The following AVEN variants were observed in gnomAD, a reference collection of about 807,000 sequenced individuals.
The protein encoded by AVEN is cell death regulator Aven.
Under a neutral mutation model 38.1 loss-of-function variants are expected in AVEN, and 41 were observed. The ratio of observed to expected loss-of-function variants is 1.08; its 90% CI spans 0.84 to 1.40. The LOEUF (loss-of-function observed/expected upper bound fraction) is 1.40. Ranked by LOEUF, AVEN falls within the 40% of genes most tolerant of loss-of-function variation. The pLI is 0.00. For synonymous variants in AVEN, 206 were observed against 171.8 expected (o/e 1.20, Z -1.56); for missense variants, 605 against 438.8 (o/e 1.38, Z -3.38).
chr15:34,070,199 C>T (rs1900598282), intron 2 of AVEN, among the ~76,000 whole-genome samples: 1 of 152,130 alleles, frequency 6.6e-6, no homozygotes, highest in Non-Finnish European at 1.5e-5. Flanking sequence ...ATCACGAGAA[C>T]AGCACGGGGG....
At chr15:34,004,907 T>C (rs919598915) in intron 1 of AVEN, among the ~76,000 whole-genome samples, 6 of 151,842 alleles carry the variant, frequency 4.0e-5, no homozygotes, top group Non-Finnish European at 7.4e-5. Flanking sequence ...AAAATCCTTA[T>C]CAAGAAAAAA....
chr15:34,006,573 G>A (rs886924025), intron 1 of AVEN, among the ~76,000 whole-genome samples: 1 of 152,186 alleles, frequency 6.6e-6, no homozygotes, highest in Admixed American at 6.5e-5. Flanking sequence ...CCTAAGGAAC[G>A]ATTAATGCAG....
rs149432903 is a variant in AVEN at position 33,913,422 on chromosome 15, T to C, written c.446-37427A>G. On this transcript the variant is annotated intron_variant, in intron 2 of 5. Coordinates refer to ENST00000306730, the MANE Select transcript of AVEN (RefSeq NM_020371.3). ...ATAATAGAGACAACCAAAACATCAT[T>C]AATTTGGGACTGGGGAGCTCATTAC... is the stretch of plus-strand genomic sequence containing the variant. 5.3e-3 allele frequency among the ~76,000 whole-genome samples: 805 copies of C among 152,312 alleles called. 6 individuals carry two copies. The highest frequency in any genetic ancestry group is 0.018 in the African/African-American group (750 of 41,568).
chr15:33,857,762 C>G (rs1287995710), downstream of AVEN: 2 of 1,613,810 alleles, frequency 1.2e-6, no homozygotes, highest in East Asian at 4.5e-5. Context: ...TTTCCTTTCT[C>G]TGTCCTCTCA....
intron 3 of AVEN, among the ~76,000 whole-genome samples, chr15:33,873,094 CTT>C (rs34223352): frequency 4.7e-5 from 4 of 85,104 alleles, no homozygotes; most frequent in African/African-American, 9.9e-5. Flanking sequence ...TTTTCCTTTT[CTT>C]TTTTTTTTTT....
In AVEN at chr15:33,909,931, C is replaced by A. The variant is rs1892855816; in HGVS notation, c.446-33936G>T. On this transcript the variant is annotated intron_variant, in intron 2 of 5. Transcript: ENST00000306730. ...ATCACCTGAGGTCAGGAGTTTGAGA[C>A]CAGCCTGGCCAAATACAAAAAATTA... is the stretch of plus-strand genomic sequence containing the variant. 6.6e-5 allele frequency among the ~76,000 whole-genome samples: 10 copies of A among 151,462 alleles called. 1 individual carries two copies. The South Asian group carries it at 2.1e-3, about 31-fold the overall frequency.
rs371615562 is a variant in AVEN at position 34,044,923 on chromosome 15, C to T, written n.1637+17999G>A. On this transcript the variant is annotated intron_variant and non_coding_transcript_variant, in intron 5 of 11. Transcript: ENST00000675287. ...ATTAGCTGGGCATGGTGGTGGGTGC[C>T]TGTAGTCCCAGCTACTCAGGAGGCT... Among the ~76,000 whole-genome samples the T allele has an allele frequency of 8.4e-4, 128 of 152,282 alleles. 1 individual carries two copies. In the South Asian group the frequency reaches 0.014, roughly 16 times the overall value.
At chr15:33,986,834 T>C (rs991629075) in intron 2 of AVEN, among the ~76,000 whole-genome samples, 2 of 152,048 alleles carry the variant, frequency 1.3e-5, no homozygotes, top group African/African-American at 4.8e-5. Flanking sequence ...TTGTTTTGTA[T>C]TTTTAGTAGA....
rs566768016 is a variant in AVEN at position 33,963,028 on chromosome 15, T to C, written c.445+40004A>G. ...AAATTGTGGCCTTCCTAACATGGGA[T>C]AACTGAAGAGAACAACTCCTAACAG... On this transcript the variant is annotated intron_variant, in intron 2 of 5. Transcript: ENST00000306730. Among the ~76,000 whole-genome samples, 7 of 151,158 alleles carry C rather than the reference T, an allele frequency of 4.6e-5. No individual in the cohort carries two copies. In the South Asian group the frequency reaches 1.5e-3, roughly 31 times the overall value.
chr15:33,924,895 T>C (rs1275446715), intron 2 of AVEN, among the ~76,000 whole-genome samples: 1 of 152,174 alleles, frequency 6.6e-6, no homozygotes, highest in African/African-American at 2.4e-5. Flanking sequence ...ATATATGTAA[T>C]TCATTATATA....
At chr15:33,856,410 T>G (rs922310336), downstream of AVEN, 2 of 152,292 alleles carry the variant, frequency 1.3e-5, no homozygotes, top group East Asian at 3.9e-4. Context: ...AGGTCAGATG[T>G]GCAGGTCCTG....
downstream of AVEN, chr15:33,864,956 C>T (rs781519443): frequency 3.3e-5 from 18 of 552,776 alleles, no homozygotes; most frequent in Non-Finnish European, 5.1e-5. Flanking sequence ...AGAGACATGG[C>T]TTCTTGCTTC....
chr15:34,030,758 A>G (rs1037407757), intron 1 of AVEN, among the ~76,000 whole-genome samples: 18 of 152,060 alleles, frequency 1.2e-4, no homozygotes, highest in Middle Eastern at 3.2e-3. Context: ...GTGGGAATAC[A>G]GGCGTGCACC....
chr15:33,962,867 C>A (rs552749087), intron 2 of AVEN, among the ~76,000 whole-genome samples: 26 of 141,046 alleles, frequency 1.8e-4, no homozygotes, highest in Admixed American at 1.0e-3. Context: ...TTGCAGTGAG[C>A]CGAGATCGCG....
intron 1 of AVEN, among the ~76,000 whole-genome samples, chr15:34,014,367 T>TAAA (rs1171463772): frequency 0.041 from 551 of 13,526 alleles, 108 homozygotes; most frequent in African/African-American, 0.08. Context: ...TCCATCTCAT[T>TAAA]AAAAAAAAAA....
At chr15:34,016,014 T>C (rs1020567318) in intron 1 of AVEN, among the ~76,000 whole-genome samples, 11 of 152,142 alleles carry the variant, frequency 7.2e-5, no homozygotes, top group African/African-American at 1.9e-4. Flanking sequence ...CGGTGGCTCA[T>C]GCCTGTAATC....
chr15:33,858,005 C>G (rs2079883168), downstream of AVEN: 21 of 1,508,502 alleles, frequency 1.4e-5, no homozygotes, highest in South Asian at 2.3e-4. Context: ...TGTGGGGGTG[C>G]TCTTGAGAAC....
At chr15:34,062,374 T>G (rs986686042) in intron 5 of AVEN, among the ~76,000 whole-genome samples, 2 of 151,834 alleles carry the variant, frequency 1.3e-5, no homozygotes, top group Admixed American at 1.3e-4. Context: ...CCTAACACAG[T>G]GAAACCCCGT....
chr15:33,926,522 A>C (rs1002454282), intron 2 of AVEN, among the ~76,000 whole-genome samples: 3 of 152,172 alleles, frequency 2.0e-5, no homozygotes, highest in Non-Finnish European at 4.4e-5. Flanking sequence ...CTTTAAAATG[A>C]AAGTAAGATT....
Sources: allele counts gnomAD v4.1 joint callset (sites outside exome capture counted in the v4.1 genomes callset), GRCh38; gene constraint gnomAD v4.1.1; transcripts MANE v1.5; gene names NCBI Gene and HGNC (gene_info 2026-07-23, HGNC 2026-07-21).